KCTD19: variants seen among roughly 807,000 people sequenced by gnomAD.
The protein encoded by KCTD19 is BTB/POZ domain-containing protein KCTD19.
A neutral mutation model predicts 103.5 loss-of-function variants in KCTD19; 67 were observed. That is an observed-to-expected ratio of 0.65 (90% CI 0.53 to 0.79). The LOEUF (loss-of-function observed/expected upper bound fraction) is 0.79. Among genes scored for constraint, KCTD19 ranks in the 30% least tolerant of loss-of-function variants. The pLI, the probability that KCTD19 is intolerant of heterozygous loss-of-function variation, is 0.00. For missense variants in KCTD19, 980 were observed against 1,136.1 expected (o/e 0.86, Z 1.98); for synonymous variants, 439 against 452.2 (o/e 0.97, Z 0.37).
At chr16:67,306,008 C>T (rs80119382) in intron 2 of KCTD19, among the ~76,000 whole-genome samples, 1,822 of 152,216 alleles carry the variant, frequency 0.012, 18 homozygotes, top group Non-Finnish European at 0.018. Flanking sequence ...ATGGTGGGAT[C>T]GTGGGGAGTG....
intron 3 of KCTD19, among the ~76,000 whole-genome samples, chr16:67,304,019 A>G (rs999171809): frequency 6.6e-6 from 1 of 152,242 alleles, no homozygotes; most frequent in African/African-American, 2.4e-5. Context: ...GCTAAAATCC[A>G]TCAATAATCA....
rs552399596 is a variant in KCTD19, at chr16:67,309,014, G to A, written c.301-4443C>T. ...CCGGGCTTGGTGGTGCATGCCTGTA[G>A]TCCCAGCTACTCTGGAGGCTGAGGC... On this transcript the variant is annotated intron_variant, in intron 2 of 15. Transcript: ENST00000304372. 7.9e-5 allele frequency among the ~76,000 whole-genome samples: 12 copies of A among 151,660 alleles called. No homozygotes were observed. In the South Asian group the frequency reaches 2.3e-3, roughly 29 times the overall value.
intron 5 of KCTD19, 84 bp downstream of exon 5, chr16:67,301,707 G>T: frequency 1.5e-6 from 2 of 1,322,544 alleles, no homozygotes; most frequent in Non-Finnish European, 2.1e-6. Context: ...AGCCCGAAGT[G>T]ATTGTGGGAG....
At chr16:67,295,498 C>T in intron 8 of KCTD19, 93 bp from the exon 9 acceptor site, 1 of 1,219,100 alleles carries the variant, frequency 8.2e-7, no homozygotes, top group Non-Finnish European at 1.2e-6. Flanking sequence ...TCCAACTACA[C>T]TAGAGCAGAG....
rs757055899 is a variant in KCTD19 at position 67,303,153 on chromosome 16, G to A, written c.636C>T (p.Arg212=). 7 of 1,605,532 alleles carry A rather than the reference G, an allele frequency of 4.4e-6. No homozygotes were observed. The stretch of plus-strand genomic sequence containing the variant: ...CCCGGACAGAGCAATCACCAATGAA[G>A]CGGAACTCGCTGCACTCGCACTCGA... ...ALIECECSEF[R]FIVNFLRSQK... is the part of the protein sequence containing the mutation. Residue 212 remains arginine (R), a synonymous_variant, in exon 4 of 16, where the codon CGC becomes CGT. Transcript: ENST00000304372. The surrounding 1 kb of genome is among the most constrained non-coding windows in gnomAD (Gnocchi z 4.3).
intron 6 of KCTD19, 72 bp from the exon 7 acceptor site, chr16:67,297,735 C>G (rs1346333074): frequency 6.8e-7 from 1 of 1,473,350 alleles, no homozygotes; most frequent in Admixed American, 1.9e-5. Flanking sequence ...TGTAAACTTT[C>G]CATGCCTAGG....
intron 2 of KCTD19, 28 bp from the exon 3 acceptor site, chr16:67,304,599 G>A (rs1255163783): frequency 6.9e-6 from 11 of 1,596,814 alleles, no homozygotes; most frequent in Non-Finnish European, 9.4e-6. Flanking sequence ...GTACTATCTT[G>A]AGAATCTAAA....
intron 2 of KCTD19, among the ~76,000 whole-genome samples, chr16:67,311,984 C>A (rs1457783008): frequency 2.0e-5 from 3 of 152,162 alleles, no homozygotes; most frequent in Admixed American, 6.6e-5. Context: ...TGTGAGACTG[C>A]CACTGGTCTA....
chr16:67,319,427 C>A (rs1003511261), intron 2 of KCTD19, among the ~76,000 whole-genome samples: 17 of 152,048 alleles, frequency 1.1e-4, no homozygotes, highest in African/African-American at 3.6e-4. Flanking sequence ...AGCTACACTG[C>A]AGCTTGTTGG....
Position 67,301,809 on chromosome 16 carries a change from A to G in KCTD19, c.757T>C (p.Trp253Arg). The change falls in exon 5 of 16, where the codon TGG (tryptophan) becomes CGG (arginine). Residue 253 changes from tryptophan (W) to arginine (R), a missense_variant. Trp to Arg is a moderately radical substitution (Grantham distance 101). Transcript: ENST00000304372. ...EIPALTEAVRWYRMNMGGCSP... is the reference protein window; with the variant it reads ...EIPALTEAVRRYRMNMGGCSP... ...GACATACCCATGTTCATCCGGTACC[A>G]CCTTACGGCTTCAGTGAGTGCAGGG... 1 of 1,614,082 alleles carries G rather than the reference A, an allele frequency of 6.2e-7. No individual in the cohort carries two copies. The highest frequency in any genetic ancestry group is 8.5e-7 in the Non-Finnish European group (1 of 1,179,964).
chr16:67,296,664 C>T (rs910583317), intron 7 of KCTD19, among the ~76,000 whole-genome samples: 1 of 152,184 alleles, frequency 6.6e-6, no homozygotes, highest in African/African-American at 2.4e-5. Context: ...AGCCAACTCT[C>T]ATCAAATCCC....
In KCTD19 at chr16:67,297,639, C is replaced by T. The variant is rs763176553; in HGVS notation, c.1011G>A (p.Leu337=). 3 of 1,613,932 alleles carry T rather than the reference C, an allele frequency of 1.9e-6. No homozygotes were observed. The highest frequency in any genetic ancestry group is 2.5e-6 in the Non-Finnish European group (3 of 1,179,998). Residue 337 remains leucine (L), a synonymous_variant, in exon 7 of 16, where the codon CTG becomes CTA. Transcript: ENST00000304372. ...CCTCGGAAATGGTCTCTGTCAGGGG[C>T]AGCCGGCAAGTCCCCAGCCAGTTCC... The part of the protein sequence containing the change: ...HVKNWLGTCR[L]PLTETISEVY...
Position 67,294,155 on chromosome 16 carries a change from G to GGCATGTA in KCTD19, c.1600_1606dup (p.Pro536LeufsTer11). 6.2e-7 allele frequency: 1 copy of GGCATGTA among 1,602,942 alleles called. No homozygotes were observed. Among genetic ancestry groups the GGCATGTA allele is most frequent in the African/African-American group, 1.3e-5 (1 of 74,840 alleles). ...GTCACTGCAGTCTTCGAAGTCCACA[G>GGCATGTA]GCATGTAGGCTGTGGTCTGGGGAGG... is the stretch of plus-strand genomic sequence containing the variant. On this transcript the variant is annotated frameshift_variant, in exon 12 of 16. Transcript: ENST00000304372. LOFTEE classifies it high-confidence loss of function.
chr16:67,320,665 A>G lies in KCTD19; in HGVS notation c.224T>C (p.Leu75Pro). 1 of 1,614,112 alleles carries G rather than the reference A, an allele frequency of 6.2e-7. No homozygotes were observed. The highest frequency in any genetic ancestry group is 2.2e-5 in the East Asian group (1 of 44,878). The change falls in exon 2 of 16, where the codon CTC becomes CCC. Residue 75 changes from leucine (L) to proline (P), a missense_variant. Physicochemically the swap from Leu to Pro is moderately conservative, Grantham distance 98. Transcript: ENST00000304372. The surrounding 1 kb of genome is among the most constrained non-coding windows in gnomAD (Gnocchi z 4.0). Reference sequence around the variant, plus strand: ...CAGTTCTGCACAACTGGAGAAGGAGAGTTTGGAGGTGTAGAGGTAATAGTG... The same window carrying G: ...CAGTTCTGCACAACTGGAGAAGGAGGGTTTGGAGGTGTAGAGGTAATAGTG... ...HVHYYLYTSK[L>P]SFSSCAELNL...
intron 5 of KCTD19, 135 bp from the exon 6 acceptor site, chr16:67,299,708 C>A: frequency 1.5e-6 from 1 of 656,026 alleles, no homozygotes; most frequent in Non-Finnish European, 2.6e-6. Context: ...TTGCACAGTC[C>A]AAATCAAGAT....
intron 1 of KCTD19, among the ~76,000 whole-genome samples, chr16:67,322,838 T>C (rs2037090611): frequency 6.6e-6 from 1 of 152,192 alleles, no homozygotes; most frequent in Non-Finnish European, 1.5e-5. Context: ...TTTTAGAATA[T>C]ATAAAGAACT....
At chr16:67,322,487 A>G (rs2037086135) in intron 1 of KCTD19, among the ~76,000 whole-genome samples, 1 of 152,054 alleles carries the variant, frequency 6.6e-6, no homozygotes, top group Non-Finnish European at 1.5e-5. Context: ...TTTAGTAGAG[A>G]TGGGGTTTTA....
rs1426932140 is a variant in KCTD19, at chr16:67,312,661, T to C, written c.300+7928A>G. Among the ~76,000 whole-genome samples the C allele has an allele frequency of 3.3e-5, 5 of 152,286 alleles. No homozygotes were observed. In the East Asian group the frequency reaches 7.7e-4, roughly 24 times the overall value. ...CTCCTGATTTTCCTCCCTAAACCTG[T>C]GTACACATCCCTCAAAATCCACCAT... On this transcript the variant is annotated intron_variant, in intron 2 of 15. Coordinates refer to ENST00000304372, the MANE Select transcript of KCTD19 (RefSeq NM_001100915.3).
intron 2 of KCTD19, among the ~76,000 whole-genome samples, chr16:67,312,279 A>G (rs1460329654): frequency 2.6e-5 from 4 of 152,216 alleles, no homozygotes; most frequent in African/African-American, 9.6e-5. Context: ...GGGAAATTCC[A>G]CACTCTGCAG....
Sources: allele counts gnomAD v4.1 joint callset (sites outside exome capture counted in the v4.1 genomes callset), GRCh38; gene constraint gnomAD v4.1.1; non-coding constraint Gnocchi (gnomAD v3.1); transcripts MANE v1.5; gene names NCBI Gene and HGNC (gene_info 2026-07-23, HGNC 2026-07-21).